Variants in NDUFA10 observed in about 807,000 individuals in gnomAD.
NDUFA10 encodes NADH dehydrogenase [ubiquinone] 1 alpha subcomplex subunit 10, mitochondrial.
NDUFA10 carries 40 observed loss-of-function variants against 47.8 expected under a neutral mutation model. The observed-to-expected ratio is 0.84, with a 90% confidence interval of 0.65 to 1.09. The LOEUF (loss-of-function observed/expected upper bound fraction) is 1.09. NDUFA10 is among the 50% of genes least tolerant of loss of function. NDUFA10 has a pLI of 0.00. For missense variants in NDUFA10, 413 were observed against 451.1 expected (o/e 0.92, Z 0.76); for synonymous variants, 183 against 172.2 (o/e 1.06, Z -0.49).
chr2:239,934,913 A>G (rs1694239544), intron 4 of NDUFA10, among the ~76,000 whole-genome samples: 1 of 152,122 alleles, frequency 6.6e-6, no homozygotes, highest in African/African-American at 2.4e-5. Flanking sequence ...CCAAGCTCCC[A>G]CTGGGGCCTA....
downstream of NDUFA10, among the ~76,000 whole-genome samples, chr2:239,953,845 CT>C (rs1030845126): frequency 1.9e-4 from 29 of 152,356 alleles, no homozygotes; most frequent in Middle Eastern, 3.4e-3. Flanking sequence ...ATAGACTCCG[CT>C]TCCAAACCCA....
intron 4 of NDUFA10, among the ~76,000 whole-genome samples, chr2:239,936,994 T>C (rs1208903745): frequency 6.6e-6 from 1 of 152,136 alleles, no homozygotes; most frequent in Non-Finnish European, 1.5e-5. Context: ...TAAGTACAAG[T>C]GATGTAATCT....
At position 239,960,129 on chromosome 2, in the gene NDUFA10, G is replaced by GCTT. The variant is rs1694790304; in HGVS notation, c.*988_*989insAAG. ...ATATTGGACACAGTGGAGCTTTACA[G>GCTT]TGGAAAACCCACAGTTCAGTAGGAC... is the stretch of plus-strand genomic sequence containing the variant. On this transcript the variant is annotated 3_prime_UTR_variant, in exon 10 of 10. Transcript: ENST00000252711. The GCTT allele has an allele frequency of 1.0e-6, 1 of 985,280 alleles. No homozygotes were observed. Among genetic ancestry groups the GCTT allele is most frequent in the African/African-American group, 1.7e-5 (1 of 57,200 alleles). 61.0% of individuals were successfully genotyped at this position (985,280 alleles called of 1,614,324 possible). A position where few individuals can be genotyped will look rare whatever the true frequency, so the allele number is the denominator to read the frequency against.
chr2:240,023,768 G>A (rs1697739583), intron 1 of NDUFA10, among the ~76,000 whole-genome samples: 1 of 152,200 alleles, frequency 6.6e-6, no homozygotes, highest in African/African-American at 2.4e-5. Context: ...GATAACTGAA[G>A]AGTAAGGAAG....
chr2:239,996,748 G>C (rs1392949067), intron 8 of NDUFA10, among the ~76,000 whole-genome samples: 5 of 151,746 alleles, frequency 3.3e-5, no homozygotes, highest in Non-Finnish European at 7.4e-5. Flanking sequence ...GCCCAGGGCA[G>C]CTTTGAATGC....
Position 240,016,375 on chromosome 2 carries a change from G to A in NDUFA10, c.548-1515C>T, listed in dbSNP as rs1344429627. Among the ~76,000 whole-genome samples the A allele has an allele frequency of 6.6e-6, 1 of 152,104 alleles. No individual in the cohort carries two copies. Among genetic ancestry groups the A allele is most frequent in the Non-Finnish European group, 1.5e-5 (1 of 68,022 alleles). On this transcript the variant is annotated intron_variant, in intron 4 of 9. Transcript: ENST00000252711. The surrounding 1 kb of genome is among the most constrained non-coding windows in gnomAD (Gnocchi z 4.4). ...CCTTCACCGAGTCTGCTCTCACCCT[G>A]CTTCCCACCCTCACCCTTACTCCTG...
At chr2:239,939,291 T>C (rs1694320144) in intron 4 of NDUFA10, among the ~76,000 whole-genome samples, 1 of 152,176 alleles carries the variant, frequency 6.6e-6, no homozygotes, top group African/African-American at 2.4e-5. Flanking sequence ...AGGTGACTTA[T>C]TCAAACCAGC....
At chr2:239,910,688 A>G (rs1322903633) in intron 4 of NDUFA10, among the ~76,000 whole-genome samples, 2 of 152,062 alleles carry the variant, frequency 1.3e-5, no homozygotes, top group Non-Finnish European at 2.9e-5. Context: ...ACAAACCCAC[A>G]CGCCCCGCAC....
At chr2:239,989,866 C>T (rs1696172540) in intron 9 of NDUFA10, among the ~76,000 whole-genome samples, 2 of 152,248 alleles carry the variant, frequency 1.3e-5, no homozygotes, top group Admixed American at 1.3e-4. Flanking sequence ...AACATCTCTG[C>T]TCTGGGGCTG....
chr2:239,954,414 C>A (rs1298641120), downstream of NDUFA10, among the ~76,000 whole-genome samples: 1 of 152,252 alleles, frequency 6.6e-6, no homozygotes, highest in East Asian at 1.9e-4. Context: ...AGAGTGCCAG[C>A]CAGAGATGCT....
intron 4 of NDUFA10, among the ~76,000 whole-genome samples, chr2:239,919,332 C>T (rs923810258): frequency 1.3e-5 from 2 of 152,088 alleles, no homozygotes; most frequent in African/African-American, 4.8e-5. Flanking sequence ...CTTGAAATCA[C>T]CCCTCCCTCC....
chr2:239,962,124 G>A (rs576637629), intron 9 of NDUFA10, among the ~76,000 whole-genome samples: 1 of 152,024 alleles, frequency 6.6e-6, no homozygotes, highest in South Asian at 2.1e-4. Context: ...CGCTCAGCAC[G>A]GTGTGTGTCG....
chr2:240,021,494 C>G, intron 2 of NDUFA10, 82 bp from the exon 3 acceptor site: 1 of 1,266,430 alleles, frequency 7.9e-7, no homozygotes, highest in Non-Finnish European at 1.1e-6. Context: ...CCAAAACACA[C>G]AGCCCGCCCG....
intron 9 of NDUFA10, among the ~76,000 whole-genome samples, chr2:239,961,549 G>A (rs1262436173): frequency 6.6e-6 from 1 of 152,220 alleles, no homozygotes; most frequent in African/African-American, 2.4e-5. Flanking sequence ...ACACAGGGGT[G>A]GGGCTGGGAC....
rs763573591 is a variant in NDUFA10 at position 239,945,465 on chromosome 2, G to A, written c.294+44609C>T. ...CTGGGAGGCCCCTCGGGGGAAGAGC[G>A]GACACCCCAACCGGAACGCAGGCTG... On this transcript the variant is annotated intron_variant, in intron 4 of 5. Transcript: ENST00000419408. This position sits in a 1 kb window ranked among gnomAD's most constrained non-coding sequence, Gnocchi z 4.6. 5.3e-5 allele frequency among the ~76,000 whole-genome samples: 8 copies of A among 152,090 alleles called. No individual in the cohort carries two copies. The highest frequency in any genetic ancestry group is 8.8e-5 in the Non-Finnish European group (6 of 68,016).
At chr2:239,918,808 C>T (rs753625731) in intron 4 of NDUFA10, among the ~76,000 whole-genome samples, 7 of 152,208 alleles carry the variant, frequency 4.6e-5, no homozygotes, top group African/African-American at 4.8e-5. Flanking sequence ...TCGCTCTCCA[C>T]GCTGAGGGCT....
At position 239,974,967 on chromosome 2, in the gene NDUFA10, GCCACCAAAGAGC is replaced by G. The variant is rs1358179870; in HGVS notation, c.1000-13793_1000-13782del. On this transcript the variant is annotated intron_variant, in intron 9 of 9. Transcript: ENST00000252711. ...ATTTAAAAACATGTGACACTCCTCC[GCCACCAAAGAGC>G]TGGTCATTTAAAAACATGTGACACT... 2.0e-3 allele frequency among the ~76,000 whole-genome samples: 283 copies of G among 138,400 alleles called. 2 individuals are homozygous for G. The highest frequency in any genetic ancestry group is 0.012 in the Middle Eastern group (3 of 244). 90.8% of individuals were successfully genotyped at this position (138,400 alleles called of 152,430 possible).
chr2:239,919,984 C>T (rs887022270), intron 4 of NDUFA10, among the ~76,000 whole-genome samples: 8 of 152,340 alleles, frequency 5.3e-5, no homozygotes, highest in Middle Eastern at 3.4e-3. Flanking sequence ...AGGTGCAGTA[C>T]TGTGTGTGCC....
At chr2:239,972,687 A>C (rs79517643) in intron 9 of NDUFA10, among the ~76,000 whole-genome samples, 2,317 of 152,334 alleles carry the variant, frequency 0.015, 49 homozygotes, top group African/African-American at 0.053. Context: ...CTATTTTTTA[A>C]CACATAAAAC....
Sources: gnomAD v4.1 joint callset for allele counts (sites outside exome capture counted in the v4.1 genomes callset) on GRCh38, gnomAD v4.1.1 for gene constraint, Gnocchi (gnomAD v3.1) non-coding constraint, MANE v1.5 for transcripts, NCBI Gene and HGNC (gene_info 2026-07-23, HGNC 2026-07-21) for gene names.